Variants in FRMPD4 observed in about 807,000 individuals in gnomAD.
FRMPD4 encodes FERM and PDZ domain-containing protein 4.
FRMPD4 carries 22 observed loss-of-function variants against 94.1 expected under a neutral mutation model. That is an observed-to-expected ratio of 0.23 (90% CI 0.17 to 0.33). The LOEUF is 0.33. Ranked by LOEUF, FRMPD4 falls within the 10% of genes least tolerant of loss-of-function variation. The pLI, the probability that FRMPD4 is intolerant of heterozygous loss-of-function variation, is 1.00. For missense variants in FRMPD4, 1,111 were observed against 1,339.9 expected (o/e 0.83, Z 2.67); for synonymous variants, 631 against 548.6 (o/e 1.15, Z -2.10).
intron 3 of FRMPD4, among the ~76,000 whole-genome samples, chrX:12,027,398 C>T (rs1287997057): frequency 1.8e-5 from 2 of 111,892 alleles, no homozygotes; most frequent in African/African-American, 6.5e-5. Flanking sequence ...ATTTCCTCAA[C>T]CACATAAATA....
At chrX:12,553,592 C>A (rs2058564207) in intron 2 of FRMPD4, among the ~76,000 whole-genome samples, 1 of 107,183 alleles carries the variant, frequency 9.3e-6, no homozygotes, top group Non-Finnish European at 1.9e-5. Flanking sequence ...TTACACCAGT[C>A]CCCCACCCCA....
intron 3 of FRMPD4, among the ~76,000 whole-genome samples, chrX:12,106,856 C>T (rs181123589): frequency 9.0e-6 from 1 of 111,674 alleles, no homozygotes; most frequent in East Asian, 2.8e-4. Flanking sequence ...GGGGGAGGGG[C>T]GTCCTGCCAT....
chrX:12,203,995 C>G (rs1258031211), intron 1 of FRMPD4, among the ~76,000 whole-genome samples: 3 of 112,570 alleles, frequency 2.7e-5, no homozygotes, highest in Middle Eastern at 4.6e-3. Flanking sequence ...TTTTGTTGAT[C>G]TTTTGTTCTT....
chrX:12,561,334 C>T lies in FRMPD4; in HGVS notation c.159-48387C>T, dbSNP rs747914803. 1.7e-3 allele frequency among the ~76,000 whole-genome samples: 192 copies of T among 112,161 alleles called. 2 individuals carry two copies. Among genetic ancestry groups the T allele is most frequent in the Admixed American group, 2.2e-3 (23 of 10,616 alleles). On this transcript the variant is annotated intron_variant, in intron 2 of 16. Transcript: ENST00000675598. ...TGGATGTGTATTCCTTAGAAAAATT[C>T]CTTAGCTATAAGTCATAATAAATTA...
chrX:12,176,525 A>AAAATC lies in FRMPD4; in HGVS notation c.41+37519_41+37523dup, dbSNP rs1457553770. Among the ~76,000 whole-genome samples, 4 of 112,493 alleles carry AAAATC rather than the reference A, an allele frequency of 3.6e-5. No homozygotes were observed. The East Asian group carries it at 1.1e-3, about 31-fold the overall frequency. ...ATGTGATGTTAAAATCTGTATAATT[A>AAAATC]AAATCAAATCTAGTATACATTCAGT... On this transcript the variant is annotated intron_variant, in intron 1 of 16. Coordinates refer to ENST00000675598, the MANE Select transcript of FRMPD4 (RefSeq NM_001368397.1).
intron 1 of FRMPD4, among the ~76,000 whole-genome samples, chrX:11,862,374 C>CA (rs1307536813): frequency 9.0e-6 from 1 of 110,700 alleles, no homozygotes; most frequent in Non-Finnish European, 1.9e-5. Context: ...TGTAAAGTGG[C>CA]AAAAAAGAAG....
intron 1 of FRMPD4, among the ~76,000 whole-genome samples, chrX:12,399,285 CGATGTAGATGTA>C (rs1318141683): frequency 9.0e-6 from 1 of 111,087 alleles, no homozygotes; most frequent in Non-Finnish European, 1.9e-5. Context: ...CACAGCAGTT[CGATGTAGATGTA>C]GATGTAGATG....
chrX:12,062,137 A>G (rs1241848356), intron 3 of FRMPD4, among the ~76,000 whole-genome samples: 3 of 112,140 alleles, frequency 2.7e-5, no homozygotes, highest in African/African-American at 9.7e-5. Flanking sequence ...CTGTGATTCT[A>G]CTGTTTCCAT....
In FRMPD4 at chrX:12,661,768, G is replaced by C. The variant is rs73198268; in HGVS notation, c.423-13095G>C. On this transcript the variant is annotated intron_variant, in intron 4 of 16. Transcript: ENST00000675598. ...CAGCTAATGGCTTCAGTGCCTGTTA[G>C]GAATTGATTCAGTGGATAATTATAA... Among the ~76,000 whole-genome samples the C allele has an allele frequency of 6.7e-3, 755 of 111,880 alleles. 5 individuals are homozygous for C. The highest frequency in any genetic ancestry group is 0.011 in the Non-Finnish European group (579 of 53,153).
chrX:12,064,702 ATG>A (rs763349067), intron 3 of FRMPD4, among the ~76,000 whole-genome samples: 110 of 112,111 alleles, frequency 9.8e-4, no homozygotes, highest in Non-Finnish European at 1.7e-3. Flanking sequence ...CCAGATTATT[ATG>A]TGATTCTTCC....
intron 2 of FRMPD4, among the ~76,000 whole-genome samples, chrX:11,868,324 A>G (rs2053734151): frequency 8.9e-6 from 1 of 111,893 alleles, no homozygotes; most frequent in African/African-American, 3.2e-5. Flanking sequence ...GCCAAATGCT[A>G]TGAGAACTCC....
At chrX:11,910,392 T>A (rs1318136139) in intron 3 of FRMPD4, among the ~76,000 whole-genome samples, 1 of 112,160 alleles carries the variant, frequency 8.9e-6, no homozygotes, top group Non-Finnish European at 1.9e-5. Flanking sequence ...ACAAAATAAT[T>A]TATAGTAATA....
At chrX:12,065,905 G>T (rs1330485230) in intron 3 of FRMPD4, among the ~76,000 whole-genome samples, 1 of 111,813 alleles carries the variant, frequency 8.9e-6, no homozygotes, top group Non-Finnish European at 1.9e-5. Flanking sequence ...TGTAGTTCTA[G>T]TCTTACTCAT....
chrX:11,873,717 T>A (rs5935177), intron 2 of FRMPD4, among the ~76,000 whole-genome samples: 15,070 of 107,058 alleles, frequency 0.14, 866 homozygotes, highest in Admixed American at 0.21. Context: ...TTTTTTTTTT[T>A]AAAAAAAAGA....
Position 12,351,030 on chromosome X carries a change from T to C in FRMPD4, c.42-147650T>C, listed in dbSNP as rs765503070. ...CTCTACTAAAAATACAAAAATTAGC[T>C]GGGTGTGGTGGCGCGTGCCTGTAAT... On this transcript the variant is annotated intron_variant, in intron 1 of 16. Coordinates refer to ENST00000675598, the MANE Select transcript of FRMPD4 (RefSeq NM_001368397.1). Among the ~76,000 whole-genome samples the C allele has an allele frequency of 4.4e-3, 489 of 110,654 alleles. 1 individual carries two copies. Among genetic ancestry groups the C allele is most frequent in the African/African-American group, 0.016 (474 of 30,400 alleles).
chrX:11,966,013 C>G (rs1044586475), intron 3 of FRMPD4, among the ~76,000 whole-genome samples: 1 of 111,684 alleles, frequency 9.0e-6, no homozygotes, highest in African/African-American at 3.3e-5. Flanking sequence ...AAGCACTATA[C>G]TTGATAAAAG....
chrX:12,524,519 T>TATG (rs971664778), intron 2 of FRMPD4, among the ~76,000 whole-genome samples: 13 of 111,313 alleles, frequency 1.2e-4, no homozygotes, highest in African/African-American at 2.3e-4. Flanking sequence ...TCACCATTAA[T>TATG]ATGATGATGA....
At chrX:11,910,698 G>A (rs1266740566) in intron 3 of FRMPD4, among the ~76,000 whole-genome samples, 1 of 111,777 alleles carries the variant, frequency 8.9e-6, no homozygotes, top group Non-Finnish European at 1.9e-5. Flanking sequence ...TTACAGGCAC[G>A]GGCCACTGTG....
At chrX:12,074,190 G>T (rs2054993861) in intron 3 of FRMPD4, among the ~76,000 whole-genome samples, 1 of 111,953 alleles carries the variant, frequency 8.9e-6, no homozygotes, top group African/African-American at 3.2e-5. Context: ...TTTTGTAAAA[G>T]AAATTTACAG....
Sources: allele counts gnomAD v4.1 joint callset (sites outside exome capture counted in the v4.1 genomes callset), GRCh38; gene constraint gnomAD v4.1.1; transcripts MANE v1.5; gene names NCBI Gene and HGNC (gene_info 2026-07-23, HGNC 2026-07-21).